Variants in MGAT4B observed in about 807,000 individuals in gnomAD.
MGAT4B encodes the protein N-acetylglucosaminyltransferase IVb.
In MGAT4B, 38 loss-of-function variants were observed where a neutral mutation model predicts 73.9. The observed-to-expected ratio is 0.51, with a 90% CI of 0.40 to 0.67. The LOEUF is 0.67. MGAT4B is among the 30% of genes least tolerant of loss of function. The pLI, the probability that MGAT4B is intolerant of heterozygous loss-of-function variation, is 0.00. For missense variants in MGAT4B, 686 were observed against 735.2 expected (o/e 0.93, Z 0.77); for synonymous variants, 373 against 313.5 (o/e 1.19, Z -2.01).
At chr5:179,803,133 G>A (rs1757016260) in intron 1 of MGAT4B, 2 of 985,626 alleles carry the variant, frequency 2.0e-6, no homozygotes, top group Non-Finnish European at 2.4e-6. Context: ...CCAGGGAAGA[G>A]GAAGGGGTGG....
intron 11 of MGAT4B, 161 bp from the exon 12 acceptor site, chr5:179,798,752 A>T: frequency 9.2e-7 from 1 of 1,082,194 alleles, no homozygotes; most frequent in Non-Finnish European, 1.3e-6. Flanking sequence ...TGGTGACAGG[A>T]AACATCCCTG....
intron 11 of MGAT4B, 35 bp downstream of exon 11, chr5:179,798,893 C>T (rs559304447): frequency 7.1e-5 from 115 of 1,609,766 alleles, no homozygotes; most frequent in East Asian, 1.3e-4. Flanking sequence ...CACCCAGCCC[C>T]GCCCCCATCG....
rs777473783 is a variant in MGAT4B, at chr5:179,799,455, G to A, written c.1041+51C>T. 4.3e-6 allele frequency: 7 copies of A among 1,611,432 alleles called. No individual in the cohort carries two copies. In the East Asian group the frequency reaches 1.6e-4, roughly 36 times the overall value. Reference sequence around the variant, plus strand: ...GACAGGGACACAGTTTGGGGTGGAGGCTGCCTGCCCCTTGGCCCTGCCCCT... The same window carrying A: ...GACAGGGACACAGTTTGGGGTGGAGACTGCCTGCCCCTTGGCCCTGCCCCT... On this transcript the variant is annotated intron_variant, in intron 9 of 14. Coordinates refer to ENST00000292591, the MANE Select transcript of MGAT4B (RefSeq NM_014275.5).
In MGAT4B at chr5:179,801,606, G is replaced by A. The variant is rs749269349; in HGVS notation, c.372C>T (p.Ala124=). 2 of 1,607,824 alleles carry A rather than the reference G, an allele frequency of 1.2e-6. No homozygotes were observed. The highest frequency in any genetic ancestry group is 2.2e-5 in the South Asian group (2 of 90,074). ...CCGCGGGCTGCAGACTGCTCTCCTT[G>A]GCCAGCAGGTGTGGCAGGTGATGGA... ...TVFHHLPHLL[A]KESSLQPAVR... The change falls in exon 3 of 15, where the codon GCC becomes GCT. Residue 124 remains alanine, a synonymous_variant. Transcript: ENST00000292591. The surrounding 1 kb of genome is among the most constrained non-coding windows in gnomAD (Gnocchi z 4.8).
In MGAT4B at chr5:179,797,980, G is replaced by C. The variant is rs771100313; in HGVS notation, c.*65C>G. The C allele has an allele frequency of 6.4e-7, 1 of 1,562,532 alleles. No homozygotes were observed. The highest frequency in any genetic ancestry group is 1.2e-5 in the South Asian group (1 of 85,866). On this transcript the variant is annotated 3_prime_UTR_variant, in exon 15 of 15. Coordinates refer to ENST00000292591, the MANE Select transcript of MGAT4B (RefSeq NM_014275.5). ...CGTATCTGGCCCTCCGGGGACGGCA[G>C]TGACGACACCCCCAGAAATGTGGGC...
At position 179,799,087 on chromosome 5, in the gene MGAT4B, T is replaced by G; in HGVS notation, c.1184A>C (p.Glu395Ala). The change falls in exon 11 of 15, where the codon GAG becomes GCG. Residue 395 changes from glutamate (E) to alanine (A), a missense_variant. By Grantham distance (107) the Glu-to-Ala change is moderately radical. Around this residue, in one of 2 missense-constraint regions of MGAT4B, gnomAD observed 449 missense variants for 536.8 expected, o/e 0.84. Transcript: ENST00000292591. ...KDFGKQALRK[E>A]HVNPPAEVST... ...CACCTCTGCTGGCGGGTTCACATGC[T>G]CCTTCCGCAGCGCCTGCTTTCCAAA... is the stretch of plus-strand genomic sequence containing the variant. 1.2e-6 allele frequency: 2 copies of G among 1,613,902 alleles called. No individual in the cohort carries two copies. Among genetic ancestry groups the G allele is most frequent in the Non-Finnish European group, 1.7e-6 (2 of 1,180,026 alleles).
chr5:179,802,033 T>C (rs774342344), intron 1 of MGAT4B, 64 bp from the exon 2 acceptor site: 2 of 1,611,988 alleles, frequency 1.2e-6, no homozygotes, highest in East Asian at 4.5e-5. Context: ...GCCCCTCCAG[T>C]GTGCCAGCGC....
At chr5:179,805,998 C>G (rs1026476093) in intron 1 of MGAT4B, among the ~76,000 whole-genome samples, 1 of 151,952 alleles carries the variant, frequency 6.6e-6, no homozygotes, top group African/African-American at 2.4e-5. Context: ...CCCTCCCTCC[C>G]TCCCACAGGC....
intron 5 of MGAT4B, 132 bp downstream of exon 5, chr5:179,800,775 C>A: frequency 9.0e-7 from 1 of 1,115,238 alleles, no homozygotes; most frequent in Non-Finnish European, 1.3e-6. Context: ...CACACCCACC[C>A]CTCCCCCACC....
intron 11 of MGAT4B, 127 bp downstream of exon 11, chr5:179,798,801 G>A: frequency 8.3e-7 from 1 of 1,198,364 alleles, no homozygotes; most frequent in Non-Finnish European, 1.2e-6. Context: ...TCACAAGGTA[G>A]CTACCATTAC....
At position 179,797,989 on chromosome 5, in the gene MGAT4B, C is replaced by A; in HGVS notation, c.*56G>T. ...CCCTCCGGGGACGGCAGTGACGACA[C>A]CCCCAGAAATGTGGGCTTCAGGGCT... On this transcript the variant is annotated 3_prime_UTR_variant, in exon 15 of 15. Transcript: ENST00000292591. 4 of 1,578,322 alleles carry A rather than the reference C, an allele frequency of 2.5e-6. No homozygotes were observed. The highest frequency in any genetic ancestry group is 3.4e-6 in the Non-Finnish European group (4 of 1,160,976).
chr5:179,801,816 C>CCGTCT lies in MGAT4B; in HGVS notation c.246_250dup (p.Gly84GlufsTer12). The CCGTCT allele has an allele frequency of 6.2e-7, 1 of 1,601,688 alleles. No homozygotes were observed. Among genetic ancestry groups the CCGTCT allele is most frequent in the Non-Finnish European group, 8.5e-7 (1 of 1,171,088 alleles). ...GCGGCCCCAGGTGCGATTGCCGTCT[C>CCGTCT]CGTCTCGCAGCGCCTGCCTTTCTGA... is the stretch of plus-strand genomic sequence containing the variant. On this transcript the variant is annotated frameshift_variant, in exon 2 of 15. Coordinates refer to ENST00000292591, the MANE Select transcript of MGAT4B (RefSeq NM_014275.5). LOFTEE classifies it high-confidence loss of function. The surrounding 1 kb of genome is among the most constrained non-coding windows in gnomAD (Gnocchi z 4.8).
At chr5:179,804,807 A>G (rs1467839582) in intron 1 of MGAT4B, 1 of 152,148 alleles carries the variant, frequency 6.6e-6, no homozygotes, top group African/African-American at 2.4e-5. Flanking sequence ...TACATGTGAC[A>G]ACGAGATGGG....
Position 179,799,085 on chromosome 5 carries a change from G to A in MGAT4B, c.1186C>T (p.His396Tyr). The change falls in exon 11 of 15, where the codon CAT (histidine) becomes TAT (tyrosine). Residue 396 changes from histidine to tyrosine, a missense_variant. Around this residue, in one of 2 missense-constraint regions of MGAT4B, gnomAD observed 449 missense variants for 536.8 expected, o/e 0.84. Coordinates refer to ENST00000292591, the MANE Select transcript of MGAT4B (RefSeq NM_014275.5). The part of the protein sequence containing the change: ...DFGKQALRKE[H>Y]VNPPAEVSTS... ...CTCACCTCTGCTGGCGGGTTCACAT[G>A]CTCCTTCCGCAGCGCCTGCTTTCCA... 1 of 1,613,958 alleles carries A rather than the reference G, an allele frequency of 6.2e-7. No homozygotes were observed. Among genetic ancestry groups the A allele is most frequent in the East Asian group, 2.2e-5 (1 of 44,886 alleles).
chr5:179,803,034 T>C (rs1199721259), intron 1 of MGAT4B: 12 of 985,278 alleles, frequency 1.2e-5, no homozygotes, highest in Admixed American at 6.1e-5. Context: ...AGCAGCCCTG[T>C]GCATGATCAA....
Position 179,798,239 on chromosome 5 carries a change from G to A in MGAT4B, c.1549C>T (p.Pro517Ser), listed in dbSNP as rs770776158. The A allele has an allele frequency of 1.9e-6, 3 of 1,609,532 alleles. No individual in the cohort carries two copies. The South Asian group carries it at 3.3e-5, about 18-fold the overall frequency. Residue 517 changes from proline to serine, a missense_variant, in exon 14 of 15, where the codon CCA becomes TCA. Physicochemically the swap from Pro to Ser is moderately conservative, Grantham distance 74. Coordinates refer to ENST00000292591, the MANE Select transcript of MGAT4B (RefSeq NM_014275.5). ...YKGVAEGEVD[P>S]AFGPLEALRL... ...AGTGCTTCCAGAGGGCCGAAGGCTG[G>A]GTCCACCTCTCCCTCTGCCACTCCC...
chr5:179,799,888 C>G, intron 8 of MGAT4B, 66 bp downstream of exon 8: 1 of 1,463,862 alleles, frequency 6.8e-7, no homozygotes, highest in Non-Finnish European at 9.5e-7. Flanking sequence ...CACAGTGGGA[C>G]TGGGAGAGAG....
In MGAT4B at chr5:179,797,946, G is replaced by C; in HGVS notation, c.*99C>G. On this transcript the variant is annotated 3_prime_UTR_variant, in exon 15 of 15. Coordinates refer to ENST00000292591, the MANE Select transcript of MGAT4B (RefSeq NM_014275.5). ...AGCCCGACGCCAGGCAGAACCCTTTGGGCGGGGCCGTATCTGGCCCTCCGG... is the reference window on the plus strand; with the variant it reads ...AGCCCGACGCCAGGCAGAACCCTTTCGGCGGGGCCGTATCTGGCCCTCCGG... The C allele has an allele frequency of 2.0e-6, 3 of 1,485,310 alleles. No homozygotes were observed. The South Asian group carries it at 3.6e-5, about 18-fold the overall frequency. 92.0% of individuals were successfully genotyped at this position (1,485,310 alleles called of 1,614,324 possible). A position where few individuals can be genotyped will look rare whatever the true frequency, so the allele number is the denominator to read the frequency against.
Position 179,800,670 on chromosome 5 carries a change from C to T in MGAT4B, c.606-73G>A, listed in dbSNP as rs1466722438. ...AGGGGCCGAGCCCACCAGACTGTGG[C>T]CCTTTCTTGAGGCTCACCCAGTGCC... On this transcript the variant is annotated intron_variant, in intron 5 of 14. Coordinates refer to ENST00000292591, the MANE Select transcript of MGAT4B (RefSeq NM_014275.5). 13 of 1,218,154 alleles carry T rather than the reference C, an allele frequency of 1.1e-5. No individual in the cohort carries two copies. In the East Asian group the frequency reaches 3.0e-4, roughly 28 times the overall value. 75.5% of individuals were successfully genotyped at this position (1,218,154 alleles called of 1,614,324 possible). A position where few individuals can be genotyped will look rare whatever the true frequency, so the allele number is the denominator to read the frequency against.
Sources: allele counts gnomAD v4.1 joint callset (sites outside exome capture counted in the v4.1 genomes callset), GRCh38; gene constraint gnomAD v4.1.1; regional missense constraint gnomAD v4.1.1; non-coding constraint Gnocchi (gnomAD v3.1); transcripts MANE v1.5; gene names NCBI Gene and HGNC (gene_info 2026-07-23, HGNC 2026-07-21).